The following DDX42 variants were observed in gnomAD, a reference collection of about 807,000 sequenced individuals.
DDX42 encodes DEAD-box helicase 42.
DDX42 carries 22 observed loss-of-function variants against 101.5 expected under a neutral mutation model. The ratio of observed to expected loss-of-function variants is 0.22; its 90% CI spans 0.15 to 0.31. The LOEUF is 0.31. Ranked by LOEUF, DDX42 falls within the 10% of genes least tolerant of loss-of-function variation. The pLI, the probability that DDX42 is intolerant of heterozygous loss-of-function variation, is 1.00. For synonymous variants in DDX42, 402 were observed against 401.2 expected, an observed-to-expected ratio of 1.00 and a Z score of -0.02; for missense variants, 849 against 1,199.9, an observed-to-expected ratio of 0.71 and a Z score of 4.32.
intron 2 of DDX42, 75 bp from the exon 3 acceptor site, chr17:63,792,337 A>G (rs1369417509): frequency 2.7e-6 from 4 of 1,491,808 alleles, no homozygotes; most frequent in Non-Finnish European, 3.6e-6. Context: ...TACCATAATA[A>G]AAATGTTGTT....
intron 6 of DDX42, among the ~76,000 whole-genome samples, chr17:63,802,464 C>T (rs924351536): frequency 1.3e-5 from 2 of 152,178 alleles, no homozygotes; most frequent in Admixed American, 6.5e-5. Context: ...GTTTATTACC[C>T]ATGATAGACA....
At chr17:63,786,962 C>A in intron 1 of DDX42, 72 bp from the exon 2 acceptor site, 1 of 1,507,900 alleles carries the variant, frequency 6.6e-7, no homozygotes, top group Non-Finnish European at 9.1e-7. Context: ...AGGCGTGACC[C>A]ACCGCGCCCG....
intron 16 of DDX42, among the ~76,000 whole-genome samples, chr17:63,816,385 C>T (rs1375651059): frequency 1.3e-5 from 2 of 152,116 alleles, no homozygotes; most frequent in Non-Finnish European, 2.9e-5. Flanking sequence ...CCATTCCAAG[C>T]AATCAGATGT....
intron 5 of DDX42, 119 bp from the exon 6 acceptor site, chr17:63,800,349 C>A (rs2039747374): frequency 2.4e-6 from 2 of 824,966 alleles, no homozygotes; most frequent in Non-Finnish European, 3.7e-6. Flanking sequence ...AAGGATCTTG[C>A]CTTACTTGGT....
At chr17:63,787,928 C>T (rs1488334885) in intron 2 of DDX42, among the ~76,000 whole-genome samples, 6 of 110,430 alleles carry the variant, frequency 5.4e-5, no homozygotes, top group African/African-American at 1.4e-4. Context: ...TTTTTGGAGG[C>T]AGAGTTTTGC....
chr17:63,787,672 A>G lies in DDX42; in HGVS notation c.221+402A>G, dbSNP rs529331825. Among the ~76,000 whole-genome samples, 5 of 152,082 alleles carry G rather than the reference A, an allele frequency of 3.3e-5. No homozygotes were observed. The East Asian group carries it at 9.8e-4, about 30-fold the overall frequency. ...TGGCCAATATGGTGAAACCCTGTCT[A>G]CTAAAAATACAAAACATTAGCCAGG... On this transcript the variant is annotated intron_variant, in intron 2 of 17. Coordinates refer to ENST00000389924, the MANE Select transcript of DDX42 (RefSeq NM_203499.3).
At chr17:63,797,872 T>C (rs2039712799) in intron 3 of DDX42, among the ~76,000 whole-genome samples, 166 bp from the exon 4 acceptor site, 1 of 152,248 alleles carries the variant, frequency 6.6e-6, no homozygotes, top group African/African-American at 2.4e-5. Context: ...ATACAGCATT[T>C]AGTTATTTCT....
chr17:63,799,682 G>A, intron 5 of DDX42, 57 bp downstream of exon 5: 1 of 1,548,634 alleles, frequency 6.5e-7, no homozygotes. Flanking sequence ...TCTATACTGG[G>A]GACAAGCTAG....
At position 63,818,009 on chromosome 17, in the gene DDX42, T is replaced by C. The variant is rs780565453; in HGVS notation, c.2428T>C (p.Tyr810His). ...GGGCAGCAACGGGAAAAGAGAGAGA[T>C]ATACTGAGAACCGGGGCAGCAGCCG... ...TGGSNGKRERYTENRGSSRHS... is the reference protein window; with the variant it reads ...TGGSNGKRERHTENRGSSRHS... Residue 810 changes from tyrosine (Y) to histidine (H), a missense_variant, in exon 18 of 18, where the codon TAT (tyrosine) becomes CAT (histidine). By Grantham distance (83) the Tyr-to-His change is moderately conservative. Coordinates refer to ENST00000389924, the MANE Select transcript of DDX42 (RefSeq NM_203499.3). The C allele has an allele frequency of 6.2e-7, 1 of 1,613,760 alleles. No homozygotes were observed. Among genetic ancestry groups the C allele is most frequent in the South Asian group, 1.1e-5 (1 of 91,070 alleles).
At chr17:63,805,965 G>A (rs2039834662) in intron 7 of DDX42, 1 of 152,238 alleles carries the variant, frequency 6.6e-6, no homozygotes, top group African/African-American at 2.4e-5. Flanking sequence ...GGGACAAAAT[G>A]GAGATTATAA....
At chr17:63,803,804 T>C (rs1005910081) in intron 6 of DDX42, among the ~76,000 whole-genome samples, 14 of 151,444 alleles carry the variant, frequency 9.2e-5, no homozygotes, top group African/African-American at 3.4e-4. Context: ...TGTGTGCCAC[T>C]ACGCCCGGCT....
chr17:63,787,691 A>G (rs1406663967), intron 2 of DDX42, among the ~76,000 whole-genome samples: 1 of 152,028 alleles, frequency 6.6e-6, no homozygotes, highest in East Asian at 1.9e-4. Flanking sequence ...ACAAAACATT[A>G]GCCAGGCGTG....
At chr17:63,802,999 C>T (rs1320575430) in intron 6 of DDX42, among the ~76,000 whole-genome samples, 2 of 151,740 alleles carry the variant, frequency 1.3e-5, no homozygotes. Flanking sequence ...CTTTTCAGTA[C>T]TTAAAGACCA....
At position 63,792,026 on chromosome 17, in the gene DDX42, G is replaced by A. The variant is rs556062872; in HGVS notation, c.222-386G>A. Among the ~76,000 whole-genome samples the A allele has an allele frequency of 2.4e-4, 36 of 149,490 alleles. No homozygotes were observed. In the South Asian group the frequency reaches 7.2e-3, roughly 30 times the overall value. On this transcript the variant is annotated intron_variant, in intron 2 of 17. Coordinates refer to ENST00000389924, the MANE Select transcript of DDX42 (RefSeq NM_203499.3). ...TGTGCCACTGCACTCCAGCCTGGGCGATGAGGAAAACCCCGTCTCAAAAAA... is the reference window on the plus strand; with the variant it reads ...TGTGCCACTGCACTCCAGCCTGGGCAATGAGGAAAACCCCGTCTCAAAAAA...
chr17:63,809,328 T>G (rs1231279884), intron 10 of DDX42, among the ~76,000 whole-genome samples: 1 of 152,226 alleles, frequency 6.6e-6, no homozygotes, highest in Non-Finnish European at 1.5e-5. Flanking sequence ...AAAAACTGCT[T>G]CTGGCCACTT....
intron 13 of DDX42, 155 bp from the exon 14 acceptor site, chr17:63,811,777 T>G: frequency 1.1e-6 from 1 of 874,416 alleles, no homozygotes; most frequent in Non-Finnish European, 1.8e-6. Context: ...AAAGGAGAGG[T>G]GAGTTTTGAG....
Position 63,818,193 on chromosome 17 carries a change from A to T in DDX42, c.2612A>T (p.His871Leu), listed in dbSNP as rs1187972857. 6.2e-7 allele frequency: 1 copy of T among 1,614,058 alleles called. No homozygotes were observed. Among genetic ancestry groups the T allele is most frequent in the East Asian group, 2.2e-5 (1 of 44,888 alleles). The stretch of plus-strand genomic sequence containing the variant: ...AGACATGGAGGAAGCGCAGGCCGGC[A>T]TGGGGAGAACCGGGGTGCAAATGAT... ...ENRHGGSAGR[H>L]GENRGANDGR... Residue 871 changes from histidine to leucine, a missense_variant, in exon 18 of 18, where the codon CAT becomes CTT. His to Leu is a moderately conservative substitution (Grantham distance 99). This residue lies in a region of DDX42 where 300 missense variants were observed against 304.9 expected (regional missense o/e 0.98). Coordinates refer to ENST00000389924, the MANE Select transcript of DDX42 (RefSeq NM_203499.3).
At chr17:63,806,700 A>C (rs953750581) in intron 8 of DDX42, 46 bp downstream of exon 8, 13 of 1,559,262 alleles carry the variant, frequency 8.3e-6, no homozygotes, top group Non-Finnish European at 1.0e-5. Flanking sequence ...GTAGTCTTTC[A>C]TGACTATATT....
chr17:63,790,454 G>C (rs57058548), intron 2 of DDX42, among the ~76,000 whole-genome samples: 5,092 of 151,640 alleles, frequency 0.034, 279 homozygotes, highest in African/African-American at 0.12. Flanking sequence ...GTGAAACCCC[G>C]TCTCTACTAA....
Sources: gnomAD v4.1 joint callset for allele counts (sites outside exome capture counted in the v4.1 genomes callset) on GRCh38, gnomAD v4.1.1 for gene constraint, gnomAD v4.1.1 regional missense constraint, MANE v1.5 for transcripts, NCBI Gene and HGNC (gene_info 2026-07-23, HGNC 2026-07-21) for gene names.